The following GRIK3 variants were observed in gnomAD, a reference collection of about 807,000 sequenced individuals.
The protein encoded by GRIK3 is glutamate receptor ionotropic, kainate 3.
A neutral mutation model predicts 102.5 loss-of-function variants in GRIK3; 29 were observed. The ratio of observed to expected loss-of-function variants is 0.28; its 90% CI spans 0.21 to 0.39. GRIK3 has a LOEUF of 0.39. Among genes scored for constraint, GRIK3 ranks in the 10% least tolerant of loss-of-function variants. GRIK3 has a pLI of 1.00. For missense variants in GRIK3, 908 were observed against 1,252.4 expected, an observed-to-expected ratio of 0.73 and a Z score of 4.15; for synonymous variants, 511 against 504.9, an observed-to-expected ratio of 1.01 and a Z score of -0.16.
At chr1:37,025,878 A>C (rs1482399721) in intron 1 of GRIK3, among the ~76,000 whole-genome samples, 1 of 152,116 alleles carries the variant, frequency 6.6e-6, no homozygotes, top group Non-Finnish European at 1.5e-5. Flanking sequence ...GGCACCAAAG[A>C]ATTTGGAGTT....
Position 36,806,344 on chromosome 1 carries a change from G to A in GRIK3, c.2092-18C>T. On this transcript the variant is annotated intron_variant, in intron 13 of 15. Transcript: ENST00000373091. This position sits in a 1 kb window ranked among gnomAD's most constrained non-coding sequence, Gnocchi z 4.0. ...TTGGATTTCTGGGCCGTGAGGGAAG[G>A]GGTGATGCACACACCGTTACTAGGC... The A allele has an allele frequency of 1.3e-6, 2 of 1,549,332 alleles. No homozygotes were observed. Among genetic ancestry groups the A allele is most frequent in the Middle Eastern group, 1.7e-4 (1 of 5,966 alleles).
chr1:36,950,169 A>G (rs1641829483), intron 1 of GRIK3, among the ~76,000 whole-genome samples: 1 of 152,222 alleles, frequency 6.6e-6, no homozygotes, highest in African/African-American at 2.4e-5. Context: ...TTATTACCCC[A>G]GTCCTAGAAG....
chr1:36,798,436 C>G lies in GRIK3; in HGVS notation c.*3415G>C, dbSNP rs1196693405. On this transcript the variant is annotated 3_prime_UTR_variant, in exon 16 of 16. Coordinates refer to ENST00000373091, the MANE Select transcript of GRIK3 (RefSeq NM_000831.4). ...AGCTTTCATGCTTCCCATCACCTCT[C>G]AGTGCCTGCGTGTGTGCACACACAC... The G allele has an allele frequency of 6.6e-6, 1 of 152,476 alleles. No individual in the cohort carries two copies. Among genetic ancestry groups the G allele is most frequent in the Non-Finnish European group, 1.5e-5 (1 of 68,212 alleles). 9.4% of individuals were successfully genotyped at this position (152,476 alleles called of 1,614,324 possible).
intron 1 of GRIK3, among the ~76,000 whole-genome samples, chr1:36,989,207 C>T (rs1053077468): frequency 5.3e-5 from 8 of 152,200 alleles, no homozygotes; most frequent in African/African-American, 1.9e-4. Flanking sequence ...CACACACACG[C>T]ATGCACATAA....
intron 5 of GRIK3, among the ~76,000 whole-genome samples, chr1:36,860,460 A>T (rs1640708898): frequency 6.6e-6 from 1 of 152,198 alleles, no homozygotes; most frequent in African/African-American, 2.4e-5. Flanking sequence ...GGATATTTAA[A>T]AATAGTCTTT....
rs60926176 is a variant in GRIK3 at position 36,960,687 on chromosome 1, C to T, written c.116-69591G>A. Among the ~76,000 whole-genome samples, 572 of 152,280 alleles carry T rather than the reference C, an allele frequency of 3.8e-3. 4 individuals are homozygous for T. Among genetic ancestry groups the T allele is most frequent in the African/African-American group, 0.013 (520 of 41,560 alleles). ...TCAAGGCCAGTCCAATCAGCACCTC[C>T]CAGACTTCCGCTGCTAAGCCTGGCT... On this transcript the variant is annotated intron_variant, in intron 1 of 15. Transcript: ENST00000373091.
At chr1:36,878,209 C>T (rs564390564) in intron 3 of GRIK3, among the ~76,000 whole-genome samples, 1 of 152,326 alleles carries the variant, frequency 6.6e-6, no homozygotes, top group East Asian at 1.9e-4. Flanking sequence ...GATAATGATT[C>T]ACAGTGGTAC....
chr1:36,921,428 T>C (rs376854381), intron 1 of GRIK3, among the ~76,000 whole-genome samples: 2 of 152,162 alleles, frequency 1.3e-5, no homozygotes, highest in East Asian at 3.9e-4. Context: ...TGAAGGATGA[T>C]TATGATGGTC....
chr1:36,811,478 G>C (rs539498857), intron 13 of GRIK3, among the ~76,000 whole-genome samples: 26 of 152,286 alleles, frequency 1.7e-4, no homozygotes, highest in African/African-American at 6.3e-4. Flanking sequence ...TCTATGGGCT[G>C]CACAGGCCTG....
intron 1 of GRIK3, among the ~76,000 whole-genome samples, chr1:37,002,002 C>T (rs1350240492): frequency 6.6e-6 from 1 of 152,114 alleles, no homozygotes; most frequent in African/African-American, 2.4e-5. Flanking sequence ...CAACTCTGCC[C>T]CTTCCAGCAG....
chr1:37,019,346 A>G (rs922177436), intron 1 of GRIK3, among the ~76,000 whole-genome samples: 1 of 152,178 alleles, frequency 6.6e-6, no homozygotes, highest in Non-Finnish European at 1.5e-5. Flanking sequence ...GAAGGAGGGC[A>G]GGAGTGAAGG....
chr1:36,957,468 CT>C (rs1641930001), intron 1 of GRIK3, among the ~76,000 whole-genome samples: 1 of 125,318 alleles, frequency 8.0e-6, no homozygotes, highest in Non-Finnish European at 1.8e-5. Flanking sequence ...AGCCTATGTG[CT>C]CTGTGAGTCT....
At chr1:36,902,118 A>T (rs1641238614) in intron 1 of GRIK3, among the ~76,000 whole-genome samples, 1 of 152,246 alleles carries the variant, frequency 6.6e-6, no homozygotes, top group South Asian at 2.1e-4. Context: ...ATGTTCATGG[A>T]TAAGAAAAGT....
chr1:36,995,182 T>C (rs1344457750), intron 1 of GRIK3, among the ~76,000 whole-genome samples: 2 of 152,174 alleles, frequency 1.3e-5, no homozygotes, highest in Non-Finnish European at 2.9e-5. Flanking sequence ...AATTTGACAC[T>C]ACACATGAAT....
At chr1:36,943,420 T>G (rs1415908318) in intron 1 of GRIK3, among the ~76,000 whole-genome samples, 1 of 152,194 alleles carries the variant, frequency 6.6e-6, no homozygotes, top group East Asian at 1.9e-4. Flanking sequence ...CTAGAAGATG[T>G]AAAGTAGCCT....
chr1:36,837,240 C>T lies in GRIK3; in HGVS notation c.1530+4496G>A, dbSNP rs555435868. 3.3e-5 allele frequency among the ~76,000 whole-genome samples: 5 copies of T among 152,266 alleles called. No homozygotes were observed. In the South Asian group the frequency reaches 1.0e-3, roughly 32 times the overall value. On this transcript the variant is annotated intron_variant, in intron 10 of 15. Coordinates refer to ENST00000373091, the MANE Select transcript of GRIK3 (RefSeq NM_000831.4). ...CAGCCCTGCTCCTTCCTCCAAGTGC[C>T]CAGCCACAGGGCCACCATCTACAGG...
At chr1:36,881,704 G>T (rs1395883267) in intron 2 of GRIK3, among the ~76,000 whole-genome samples, 1 of 152,174 alleles carries the variant, frequency 6.6e-6, no homozygotes, top group East Asian at 1.9e-4. Flanking sequence ...CAGCCAGGGT[G>T]AGACTTCCAC....
Position 36,801,750 on chromosome 1 carries a change from C to G in GRIK3, c.*101G>C. ...CTGGCCCAACAGGCAGGTGGCAGCT[C>G]TGGTCCCCAAGCCCAGTGCGGGGAC... is the stretch of plus-strand genomic sequence containing the variant. On this transcript the variant is annotated 3_prime_UTR_variant, in exon 16 of 16. Transcript: ENST00000373091. 2 of 1,036,116 alleles carry G rather than the reference C, an allele frequency of 1.9e-6. No homozygotes were observed. The highest frequency in any genetic ancestry group is 1.8e-5 in the South Asian group (1 of 54,260). 64.2% of individuals were successfully genotyped at this position (1,036,116 alleles called of 1,614,324 possible). A position where few individuals can be genotyped will look rare whatever the true frequency, so the allele number is the denominator to read the frequency against.
At chr1:36,910,454 C>T (rs1043413756) in intron 1 of GRIK3, among the ~76,000 whole-genome samples, 1 of 152,218 alleles carries the variant, frequency 6.6e-6, no homozygotes, top group Non-Finnish European at 1.5e-5. Flanking sequence ...CAGCTGTGGG[C>T]TGGAAGATCC....
Sources: gnomAD v4.1 joint callset for allele counts (sites outside exome capture counted in the v4.1 genomes callset) on GRCh38, gnomAD v4.1.1 for gene constraint, Gnocchi (gnomAD v3.1) non-coding constraint, MANE v1.5 for transcripts, NCBI Gene and HGNC (gene_info 2026-07-23, HGNC 2026-07-21) for gene names.